The following PRPSAP2 variants were observed in gnomAD, a reference collection of about 807,000 sequenced individuals.
PRPSAP2 encodes the protein phosphoribosyl pyrophosphate synthase-associated protein 2.
Under a neutral mutation model 40.6 loss-of-function variants are expected in PRPSAP2, and 24 were observed. The observed-to-expected ratio is 0.59, with a 90% CI of 0.43 to 0.83. The LOEUF is 0.83. PRPSAP2 is among the 40% of genes least tolerant of loss of function. The pLI, the probability that PRPSAP2 is intolerant of heterozygous loss-of-function variation, is 0.00. For missense variants in PRPSAP2, 292 were observed against 465.6 expected (o/e 0.63, Z 3.43); for synonymous variants, 149 against 164.7 (o/e 0.90, Z 0.73).
intron 4 of PRPSAP2, among the ~76,000 whole-genome samples, chr17:18,867,663 A>G (rs1407453092): frequency 1.3e-5 from 2 of 152,200 alleles, no homozygotes; most frequent in Admixed American, 6.5e-5. Flanking sequence ...AGGAAGGATG[A>G]GTAAATCCTG....
At chr17:18,908,853 G>A (rs1472687119) in intron 8 of PRPSAP2, 1 of 655,112 alleles carries the variant, frequency 1.5e-6, no homozygotes, top group Non-Finnish European at 2.8e-6. Flanking sequence ...AGGATGCTGA[G>A]GAGAAGCAAT....
intron 6 of PRPSAP2, 137 bp from the exon 7 acceptor site, chr17:18,882,431 A>G (rs2038826846): frequency 3.1e-6 from 2 of 638,634 alleles, no homozygotes; most frequent in Non-Finnish European, 5.6e-6. Context: ...GGATTGCTTC[A>G]GCCTAGGAGT....
intron 7 of PRPSAP2, among the ~76,000 whole-genome samples, chr17:18,885,077 G>GA (rs957060898): frequency 3.3e-5 from 5 of 151,934 alleles, no homozygotes; most frequent in Admixed American, 1.3e-4. Flanking sequence ...CCTTCTACTT[G>GA]AAAAAATCCC....
In PRPSAP2 at chr17:18,931,040, A is replaced by G. The variant is rs1251598075; in HGVS notation, c.*342A>G. Reference sequence around the variant, plus strand: ...AGCCAAGTGCTTAAAAAGTTAATAAAATAAAATGATCTGTATGATACCTGC... The same window carrying G: ...AGCCAAGTGCTTAAAAAGTTAATAAGATAAAATGATCTGTATGATACCTGC... On this transcript the variant is annotated 3_prime_UTR_variant, in exon 12 of 12. Coordinates refer to ENST00000268835, the MANE Select transcript of PRPSAP2 (RefSeq NM_002767.4). 5.8e-6 allele frequency: 1 copy of G among 171,702 alleles called. No individual in the cohort carries two copies. The highest frequency in any genetic ancestry group is 2.4e-5 in the African/African-American group (1 of 42,202). 10.6% of individuals were successfully genotyped at this position (171,702 alleles called of 1,614,324 possible).
rs1049015313 is a variant in PRPSAP2, at chr17:18,865,146, G to A, written c.-128-323G>A. The stretch of plus-strand genomic sequence containing the variant: ...AGGCGTGAGCCACCACATCTGACCA[G>A]CACTGATGATTTATAAGCCAGGGAC... On this transcript the variant is annotated intron_variant, in intron 1 of 11. Transcript: ENST00000268835. 2.6e-5 allele frequency among the ~76,000 whole-genome samples: 4 copies of A among 152,174 alleles called. No homozygotes were observed. The South Asian group carries it at 6.2e-4, about 24-fold the overall frequency.
upstream of PRPSAP2, among the ~76,000 whole-genome samples, chr17:18,857,533 C>T (rs987297281): frequency 1.3e-5 from 2 of 151,370 alleles, no homozygotes; most frequent in African/African-American, 4.9e-5. Flanking sequence ...CCTGCCTCAG[C>T]CTCCTGAGTA....
chr17:18,885,525 G>A (rs1260049783), intron 7 of PRPSAP2, among the ~76,000 whole-genome samples: 1 of 151,652 alleles, frequency 6.6e-6, no homozygotes, highest in African/African-American at 2.4e-5. Context: ...AGGCTGGAGT[G>A]CGATTTTGGC....
chr17:18,871,490 C>G (rs958725828), intron 4 of PRPSAP2, among the ~76,000 whole-genome samples: 6 of 152,100 alleles, frequency 3.9e-5, no homozygotes, highest in African/African-American at 1.4e-4. Flanking sequence ...TGTAGAATGT[C>G]CCATTATGGA....
intron 8 of PRPSAP2, among the ~76,000 whole-genome samples, chr17:18,910,552 G>C (rs1462935925): frequency 6.6e-6 from 1 of 152,088 alleles, no homozygotes; most frequent in East Asian, 1.9e-4. Flanking sequence ...AAATCACTAA[G>C]GGGCATAAGG....
At chr17:18,890,551 A>C (rs1597624745) in intron 8 of PRPSAP2, among the ~76,000 whole-genome samples, 1 of 152,142 alleles carries the variant, frequency 6.6e-6, no homozygotes, top group South Asian at 2.1e-4. Context: ...CAAACGATCC[A>C]CCCACCCGCC....
chr17:18,860,780 T>G (rs2036948047), intron 1 of PRPSAP2: 1 of 152,240 alleles, frequency 6.6e-6, no homozygotes, highest in Non-Finnish European at 1.5e-5. Context: ...GGTTTTGAAA[T>G]GACTGCTAGT....
chr17:18,909,111 G>A (rs1022533642), intron 8 of PRPSAP2, among the ~76,000 whole-genome samples: 3 of 152,138 alleles, frequency 2.0e-5, no homozygotes, highest in Non-Finnish European at 2.9e-5. Flanking sequence ...TATCCAGACT[G>A]GTTAGGAGAA....
intron 9 of PRPSAP2, among the ~76,000 whole-genome samples, chr17:18,923,589 GTTTTAC>G (rs1361062260): frequency 2.0e-5 from 3 of 152,210 alleles, no homozygotes; most frequent in South Asian, 2.1e-4. Flanking sequence ...AATAGAGATA[GTTTTAC>G]TTTTCCTTTC....
intron 5 of PRPSAP2, among the ~76,000 whole-genome samples, chr17:18,873,894 CTT>C (rs922529010): frequency 4.0e-4 from 58 of 146,610 alleles, no homozygotes; most frequent in Non-Finnish European, 6.0e-5. Context: ...TGGAGCCCTA[CTT>C]TTTTTTTTTC....
At chr17:18,892,226 C>T (rs2039590919) in intron 8 of PRPSAP2, among the ~76,000 whole-genome samples, 1 of 151,978 alleles carries the variant, frequency 6.6e-6, no homozygotes, top group Admixed American at 6.6e-5. Flanking sequence ...ATCCATTCAT[C>T]TGTTGATGGA....
chr17:18,879,673 C>G (rs1046059450), intron 6 of PRPSAP2, among the ~76,000 whole-genome samples: 1 of 152,052 alleles, frequency 6.6e-6, no homozygotes, highest in African/African-American at 2.4e-5. Flanking sequence ...ATGCTTGTCT[C>G]GAACTCTTGA....
chr17:18,869,567 A>G (rs986914786), intron 4 of PRPSAP2, among the ~76,000 whole-genome samples: 2 of 148,528 alleles, frequency 1.3e-5, no homozygotes, highest in Non-Finnish European at 3.0e-5. Flanking sequence ...CAGTGGGGCA[A>G]CCTCGGCTCA....
chr17:18,869,341 C>CTTTTTT (rs545524445), intron 4 of PRPSAP2, among the ~76,000 whole-genome samples: 7 of 140,400 alleles, frequency 5.0e-5, no homozygotes, highest in Non-Finnish European at 7.7e-5. Flanking sequence ...CTTTTCTTTT[C>CTTTTTT]TTTTTTTTTT....
chr17:18,905,933 A>T (rs2151946245), intron 8 of PRPSAP2, among the ~76,000 whole-genome samples: 1 of 152,306 alleles, frequency 6.6e-6, no homozygotes, highest in East Asian at 1.9e-4. Context: ...TGTAAGGATG[A>T]ATTCAAAGTT....
Sources: gnomAD v4.1 joint callset for allele counts (sites outside exome capture counted in the v4.1 genomes callset) on GRCh38, gnomAD v4.1.1 for gene constraint, MANE v1.5 for transcripts, NCBI Gene and HGNC (gene_info 2026-07-23, HGNC 2026-07-21) for gene names.